Variants in ACTN4 observed in about 807,000 individuals in gnomAD.
ACTN4 encodes alpha-actinin-4.
ACTN4 carries 18 observed loss-of-function variants against 114.2 expected under a neutral mutation model. The observed-to-expected ratio is 0.16, with a 90% confidence interval of 0.11 to 0.23. ACTN4 has a LOEUF of 0.23. Among genes scored for constraint, ACTN4 ranks in the 10% least tolerant of loss-of-function variants. ACTN4 has a pLI of 1.00. For missense variants in ACTN4, 722 were observed against 1,262.9 expected, an observed-to-expected ratio of 0.57 and a Z score of 6.49; for synonymous variants, 515 against 506.3, an observed-to-expected ratio of 1.02 and a Z score of -0.23.
At chr19:38,650,152 G>A (rs1281125604) in intron 1 of ACTN4, among the ~76,000 whole-genome samples, 1 of 152,146 alleles carries the variant, frequency 6.6e-6, no homozygotes, top group Non-Finnish European at 1.5e-5. Flanking sequence ...GCAGCTGAAG[G>A]TGCTGGAGAA....
intron 19 of ACTN4, chr19:38,728,459 T>A: frequency 6.5e-6 from 3 of 460,870 alleles, no homozygotes; most frequent in Non-Finnish European, 8.7e-6. Context: ...CCCCCCCACC[T>A]CTCCCCCTCA....
At position 38,724,185 on chromosome 19, in the gene ACTN4, A is replaced by G; in HGVS notation, c.1721A>G (p.Lys574Arg). 1 of 1,613,894 alleles carries G rather than the reference A, an allele frequency of 6.2e-7. No individual in the cohort carries two copies. The highest frequency in any genetic ancestry group is 8.5e-7 in the Non-Finnish European group (1 of 1,180,024). The change falls in exon 15 of 21, where the codon AAG (lysine) becomes AGG (arginine). Residue 574 changes from lysine (K) to arginine (R), a missense_variant. This residue lies in a region of ACTN4 where 523 missense variants were observed against 875.9 expected (regional missense o/e 0.60). Coordinates refer to ENST00000252699, the MANE Select transcript of ACTN4 (RefSeq NM_004924.6). The surrounding 1 kb of genome is among the most constrained non-coding windows in gnomAD (Gnocchi z 7.0). ...CTGATCTCAGCCCATGACCAGTTCAAGTCCACCCTGCCGGACGCCGATAGG... is the reference window on the plus strand; with the variant it reads ...CTGATCTCAGCCCATGACCAGTTCAGGTCCACCCTGCCGGACGCCGATAGG... ...EGLISAHDQF[K>R]STLPDADRER...
At chr19:38,654,047 A>G (rs1446783032) in intron 1 of ACTN4, among the ~76,000 whole-genome samples, 1 of 152,238 alleles carries the variant, frequency 6.6e-6, no homozygotes, top group Non-Finnish European at 1.5e-5. Context: ...AGGCGCCAGA[A>G]TTTGTTATAA....
At chr19:38,680,567 G>A (rs143095322) in intron 1 of ACTN4, among the ~76,000 whole-genome samples, 1 of 152,130 alleles carries the variant, frequency 6.6e-6, no homozygotes, top group Admixed American at 6.5e-5. Flanking sequence ...GACGTTGCCT[G>A]ATGCCCACTG....
At chr19:38,651,132 G>C (rs1249333668) in intron 1 of ACTN4, among the ~76,000 whole-genome samples, 1 of 152,226 alleles carries the variant, frequency 6.6e-6, no homozygotes, top group Non-Finnish European at 1.5e-5. Context: ...AAGAATGACA[G>C]TCCTGGGGGT....
chr19:38,659,052 C>G (rs1006392386), intron 1 of ACTN4, among the ~76,000 whole-genome samples: 37 of 90,634 alleles, frequency 4.1e-4, no homozygotes, highest in African/African-American at 1.3e-3. Context: ...ACTTTTTTTT[C>G]TTCTTTTCTT....
chr19:38,687,616 C>T (rs1043818374), intron 1 of ACTN4, among the ~76,000 whole-genome samples: 5 of 152,146 alleles, frequency 3.3e-5, no homozygotes, highest in African/African-American at 9.7e-5. Context: ...TACCTCACAC[C>T]ATATACAAAA....
rs1450683086 is a variant in ACTN4 at position 38,729,812 on chromosome 19, C to T, written c.*380C>T. The T allele has an allele frequency of 4.8e-6, 2 of 417,324 alleles. No homozygotes were observed. Among genetic ancestry groups the T allele is most frequent in the African/African-American group, 4.1e-5 (2 of 49,040 alleles). 25.9% of individuals were successfully genotyped at this position (417,324 alleles called of 1,614,324 possible). A position where few individuals can be genotyped will look rare whatever the true frequency, so the allele number is the denominator to read the frequency against. On this transcript the variant is annotated 3_prime_UTR_variant, in exon 21 of 21. Transcript: ENST00000252699. ...AGGTCCCTTCAAGGCCTCCCCAATCCAGGCCAAAGCCCCATGTGCCTTGTC... is the reference window on the plus strand; with the variant it reads ...AGGTCCCTTCAAGGCCTCCCCAATCTAGGCCAAAGCCCCATGTGCCTTGTC...
intron 11 of ACTN4, among the ~76,000 whole-genome samples, chr19:38,721,193 C>G (rs1326117448): frequency 2.6e-5 from 4 of 152,190 alleles, no homozygotes; most frequent in Non-Finnish European, 5.9e-5. Flanking sequence ...TCAAAGCCCT[C>G]CAGAAACAGG....
At chr19:38,721,874 C>T in intron 12 of ACTN4, 186 bp downstream of exon 12, 1 of 848,678 alleles carries the variant, frequency 1.2e-6, no homozygotes, top group South Asian at 1.5e-5. Flanking sequence ...CCCATCCTGT[C>T]TCAGCCCCAG....
chr19:38,659,066 T>TTTTTTTTTC (rs2144841617), intron 1 of ACTN4, among the ~76,000 whole-genome samples: 1 of 40,866 alleles, frequency 2.4e-5, no homozygotes, highest in African/African-American at 6.4e-5. Flanking sequence ...TTTTCTTTTC[T>TTTTTTTTTC]TTTTTTTTTT....
At chr19:38,685,188 C>T (rs2144936497) in intron 1 of ACTN4, among the ~76,000 whole-genome samples, 1 of 152,300 alleles carries the variant, frequency 6.6e-6, no homozygotes, top group East Asian at 1.9e-4. Context: ...TCGTGATCCA[C>T]CCACCTTGGC....
intron 1 of ACTN4, among the ~76,000 whole-genome samples, chr19:38,696,692 T>C (rs1438270654): frequency 6.6e-6 from 1 of 152,184 alleles, no homozygotes; most frequent in East Asian, 1.9e-4. Flanking sequence ...TGTCAATAGA[T>C]GCCCCTCATC....
Position 38,648,162 on chromosome 19 carries a change from T to C in ACTN4, c.162+255T>C, listed in dbSNP as rs147773795. 1.5e-3 allele frequency: 588 copies of C among 396,942 alleles called. 5 individuals carry two copies. Among genetic ancestry groups the C allele is most frequent in the African/African-American group, 5.8e-3 (276 of 47,682 alleles). 24.6% of individuals were successfully genotyped at this position (396,942 alleles called of 1,614,324 possible). On this transcript the variant is annotated intron_variant, in intron 1 of 20. Transcript: ENST00000252699. Reference sequence around the variant, plus strand: ...GTCAAATAAAAGGAATCGGGAAGGCTGATGAAGGATTTGGAGGGTCTGGGC... The same window carrying C: ...GTCAAATAAAAGGAATCGGGAAGGCCGATGAAGGATTTGGAGGGTCTGGGC...
chr19:38,724,575 G>A lies in ACTN4; in HGVS notation c.2010+10G>A, dbSNP rs368945156. ...CCAGACCAAGATGGAGGTGAGGCAC[G>A]GCTGAGCCCCACAGAGCTGAGAAGG... is the stretch of plus-strand genomic sequence containing the variant. On this transcript the variant is annotated intron_variant, in intron 16 of 20. Coordinates refer to ENST00000252699, the MANE Select transcript of ACTN4 (RefSeq NM_004924.6). The surrounding 1 kb of genome is among the most constrained non-coding windows in gnomAD (Gnocchi z 7.0). The A allele has an allele frequency of 2.0e-5, 32 of 1,613,206 alleles. No individual in the cohort carries two copies. In the East Asian group the frequency reaches 4.2e-4, roughly 21 times the overall value.
intron 1 of ACTN4, among the ~76,000 whole-genome samples, chr19:38,691,293 C>T (rs1469156008): frequency 2.0e-5 from 3 of 150,376 alleles, no homozygotes; most frequent in Non-Finnish European, 4.4e-5. Context: ...CCCAGCTACT[C>T]GGGAGGCTGA....
rs1459558534 is a variant in ACTN4 at position 38,721,695 on chromosome 19, G to A, written c.1442+7G>A. 1 of 1,611,894 alleles carries A rather than the reference G, an allele frequency of 6.2e-7. No individual in the cohort carries two copies. Among genetic ancestry groups the A allele is most frequent in the African/African-American group, 1.3e-5 (1 of 75,066 alleles). On this transcript the variant is annotated splice_region_variant and intron_variant, in intron 12 of 20. Transcript: ENST00000252699. ...CCATTGCCCAGGAGCTCAAGTACGT[G>A]CGGGCTCAGGACACTATCATCACCT...
rs946249654 is a variant in ACTN4, at chr19:38,654,097, CAAG to C, written c.162+6194_162+6196del. ...GCCCAGGTATCACTTAACTTTTCTT[CAAG>C]AAGGTCTATGAGTTACATTTTACTC... On this transcript the variant is annotated intron_variant, in intron 1 of 20. Transcript: ENST00000252699. 6.6e-5 allele frequency among the ~76,000 whole-genome samples: 9 copies of C among 135,464 alleles called. No homozygotes were observed. The East Asian group carries it at 1.1e-3, about 16-fold the overall frequency. 88.9% of individuals were successfully genotyped at this position (135,464 alleles called of 152,430 possible). A position where few individuals can be genotyped will look rare whatever the true frequency, so the allele number is the denominator to read the frequency against.
At chr19:38,693,319 T>C (rs148998786) in intron 1 of ACTN4, among the ~76,000 whole-genome samples, 121 of 152,322 alleles carry the variant, frequency 7.9e-4, no homozygotes, top group African/African-American at 2.7e-3. Context: ...CAAAGCGACT[T>C]TGCAAGAGAC....
Sources: allele counts gnomAD v4.1 joint callset (sites outside exome capture counted in the v4.1 genomes callset), GRCh38; gene constraint gnomAD v4.1.1; regional missense constraint gnomAD v4.1.1; non-coding constraint Gnocchi (gnomAD v3.1); transcripts MANE v1.5; gene names NCBI Gene and HGNC (gene_info 2026-07-23, HGNC 2026-07-21).